CA9: variants seen among roughly 807,000 people sequenced by gnomAD.
The protein encoded by CA9 is carbonic anhydrase 9, also known as CA-IX.
CA9 carries 43 observed loss-of-function variants against 51.8 expected under a neutral mutation model. That is an observed-to-expected ratio of 0.83 (90% CI 0.65 to 1.07). The LOEUF (loss-of-function observed/expected upper bound fraction) is 1.07, where lower values mean the gene tolerates loss of function less well. Among genes scored for constraint, CA9 ranks in the 50% least tolerant of loss-of-function variants. The pLI is 0.00. For missense variants in CA9, 574 were observed against 581.4 expected (o/e 0.99, Z 0.13); for synonymous variants, 253 against 244.2 (o/e 1.04, Z -0.34).
chr9:35,677,630 C>G (rs1432636220), intron 5 of CA9, among the ~76,000 whole-genome samples, 160 bp from the exon 6 acceptor site: 4 of 151,850 alleles, frequency 2.6e-5, no homozygotes, highest in African/African-American at 9.7e-5. Context: ...AAAAAAACAA[C>G]AGCAACAACA....
chr9:35,675,877 G>T lies in CA9; in HGVS notation c.550G>T (p.Gly184Cys). 6.2e-7 allele frequency: 1 copy of T among 1,606,798 alleles called. No homozygotes were observed. The stretch of plus-strand genomic sequence containing the variant: ...GGCCCTGCGCCCCCTGGAACTCCTG[G>T]GCTTCCAGCTCCCGCCGCTCCCAGA... ...CPALRPLELL[G>C]FQLPPLPELR... Residue 184 changes from glycine to cysteine, a missense_variant, in exon 3 of 11, where the codon GGC becomes TGC. By Grantham distance (159) the Gly-to-Cys change is radical. Coordinates refer to ENST00000378357, the MANE Select transcript of CA9 (RefSeq NM_001216.3).
intron 5 of CA9, 110 bp from the exon 6 acceptor site, chr9:35,677,680 T>G (rs557219381): frequency 3.6e-6 from 3 of 822,808 alleles, no homozygotes; most frequent in Non-Finnish European, 6.2e-6. Context: ...CCCTCAGCAT[T>G]CTCAGAGCTG....
At chr9:35,677,324 C>T (rs374649805) in intron 5 of CA9, among the ~76,000 whole-genome samples, 1 of 152,180 alleles carries the variant, frequency 6.6e-6, no homozygotes, top group African/African-American at 2.4e-5. Flanking sequence ...GTCAGGACCT[C>T]ACCTGAAAAG....
At position 35,680,770 on chromosome 9, in the gene CA9, G is replaced by C; in HGVS notation, c.1255G>C (p.Val419Leu). Residue 419 changes from valine to leucine, a missense_variant, in exon 10 of 11, where the codon GTT (valine) becomes CTT (leucine). Physicochemically the swap from Val to Leu is conservative, Grantham distance 32. Coordinates refer to ENST00000378357, the MANE Select transcript of CA9 (RefSeq NM_001216.3). ...CATCGCAGGTGACATCCTAGCCCTG[G>C]TTTTTGGCCTCCTTTTTGCTGTCAC... ...CLAAGDILAL[V>L]FGLLFAVTSV... 3 of 1,614,180 alleles carry C rather than the reference G, an allele frequency of 1.9e-6. No individual in the cohort carries two copies. Among genetic ancestry groups the C allele is most frequent in the Non-Finnish European group, 2.5e-6 (3 of 1,180,014 alleles).
chr9:35,679,941 G>A lies in CA9; in HGVS notation c.1153G>A (p.Val385Met), dbSNP rs140019091. ...FRATQPLNGRVIEASFPAGVD... is the reference protein window; with the variant it reads ...FRATQPLNGRMIEASFPAGVD... ...AGCGACGCAGCCTTTGAATGGGCGA[G>A]TGATTGAGGCCTCCTTCCCTGCTGG... Residue 385 changes from valine (V) to methionine (M), a missense_variant, in exon 8 of 11, where the codon GTG becomes ATG. Physicochemically the swap from Val to Met is conservative, Grantham distance 21. Transcript: ENST00000378357. The A allele has an allele frequency of 3.0e-5, 48 of 1,614,026 alleles. No individual in the cohort carries two copies. Among genetic ancestry groups the A allele is most frequent in the South Asian group, 3.3e-5 (3 of 91,088 alleles).
chr9:35,674,599 A>G, intron 1 of CA9: 1 of 458,626 alleles, frequency 2.2e-6, no homozygotes, highest in South Asian at 4.2e-5. Flanking sequence ...GAGATGGGAG[A>G]GAAGGGGGAG....
chr9:35,679,165 A>C lies in CA9; in HGVS notation c.908-20A>C. 6.2e-7 allele frequency: 1 copy of C among 1,613,860 alleles called. No individual in the cohort carries two copies. The highest frequency in any genetic ancestry group is 1.1e-5 in the South Asian group (1 of 91,054). On this transcript the variant is annotated intron_variant, in intron 6 of 10. Coordinates refer to ENST00000378357, the MANE Select transcript of CA9 (RefSeq NM_001216.3). ...GGGGGTGCAATGTAGATGAGACCCC[A>C]ACATAGATCCTCTTCACAGGCTCAG...
chr9:35,675,658 T>TTCCCC, intron 2 of CA9, 91 bp downstream of exon 2: 3 of 1,407,088 alleles, frequency 2.1e-6, no homozygotes, highest in African/African-American at 1.4e-5. Flanking sequence ...GTCCCGGGCG[T>TTCCCC]CCCACCCGCC....
At chr9:35,680,691 G>A in intron 9 of CA9, 62 bp from the exon 10 acceptor site, 3 of 1,382,552 alleles carry the variant, frequency 2.2e-6, no homozygotes, top group Non-Finnish European at 3.1e-6. Flanking sequence ...TGAGGCAGGT[G>A]TTGAGGAACT....
At chr9:35,680,179 T>C in intron 9 of CA9, 40 bp downstream of exon 9, 1 of 1,612,812 alleles carries the variant, frequency 6.2e-7, no homozygotes, top group African/African-American at 1.3e-5. Context: ...GCCAGGAGAC[T>C]CCTCAGCACC....
Position 35,676,085 on chromosome 9 carries a change from G to C in CA9, c.626G>C (p.Gly209Ala), listed in dbSNP as rs371312462. 8 of 1,613,132 alleles carry C rather than the reference G, an allele frequency of 5.0e-6. No individual in the cohort carries two copies. In the African/African-American group the frequency reaches 6.7e-5, roughly 13 times the overall value. The change falls in exon 4 of 11, where the codon GGG becomes GCG. Residue 209 changes from glycine (G) to alanine (A), a missense_variant. Transcript: ENST00000378357. ...GCAGTGCAACTGACCCTGCCTCCTG[G>C]GCTAGAGATGGCTCTGGGTCCCGGG... ...GHSVQLTLPP[G>A]LEMALGPGRE...
intron 4 of CA9, 30 bp from the exon 5 acceptor site, chr9:35,676,267 G>A: frequency 6.2e-7 from 1 of 1,613,904 alleles, no homozygotes; most frequent in Non-Finnish European, 8.5e-7. Context: ...CCAGAGACGT[G>A]GCCCTCTCCT....
rs1280134191 is a variant in CA9 at position 35,679,781 on chromosome 9, T to C, written c.1066-73T>C. ...GGAGGGTGGAGCCCTGAGGTGCTGG[T>C]TGTGAGCTGGCCTGGGACCCTTGTT... is the stretch of plus-strand genomic sequence containing the variant. On this transcript the variant is annotated intron_variant, in intron 7 of 10. Coordinates refer to ENST00000378357, the MANE Select transcript of CA9 (RefSeq NM_001216.3). 3 of 1,466,168 alleles carry C rather than the reference T, an allele frequency of 2.0e-6. No individual in the cohort carries two copies. The African/African-American group carries it at 4.3e-5, about 21-fold the overall frequency. The allele number at this position is 1,466,168 out of a possible 1,614,324, so 90.8% of individuals were successfully genotyped here.
intron 5 of CA9, 105 bp from the exon 6 acceptor site, chr9:35,677,685 G>A (rs1488302500): frequency 9.4e-6 from 8 of 846,840 alleles, no homozygotes; most frequent in Non-Finnish European, 1.6e-5. Flanking sequence ...AGCATTCTCA[G>A]AGCTGAGGAA....
chr9:35,679,429 G>C, intron 7 of CA9, 87 bp downstream of exon 7: 2 of 1,500,982 alleles, frequency 1.3e-6, no homozygotes, highest in Non-Finnish European at 1.8e-6. Flanking sequence ...AAGAAATCAA[G>C]GCTGGGCTCT....
chr9:35,676,341 G>C lies in CA9; in HGVS notation c.792G>C (p.Glu264Asp). The C allele has an allele frequency of 1.9e-6, 3 of 1,614,088 alleles. No homozygotes were observed. Among genetic ancestry groups the C allele is most frequent in the Non-Finnish European group, 2.5e-6 (3 of 1,180,014 alleles). The change falls in exon 5 of 11, where the codon GAG becomes GAC. Residue 264 changes from glutamate to aspartate, a missense_variant. Physicochemically the swap from Glu to Asp is conservative, Grantham distance 45. Coordinates refer to ENST00000378357, the MANE Select transcript of CA9 (RefSeq NM_001216.3). The part of the protein sequence containing the change: ...HLSTAFARVD[E>D]ALGRPGGLAV... ...GCACCGCCTTTGCCAGAGTTGACGA[G>C]GCCTTGGGGCGCCCGGGAGGCCTGG...
At chr9:35,680,417 T>C (rs1824520462) in intron 9 of CA9, among the ~76,000 whole-genome samples, 1 of 152,052 alleles carries the variant, frequency 6.6e-6, no homozygotes, top group Admixed American at 6.6e-5. Context: ...GGCTGGGGTG[T>C]TGTGGCACGA....
intron 9 of CA9, 45 bp downstream of exon 9, chr9:35,680,184 A>C: frequency 6.2e-7 from 1 of 1,612,340 alleles, no homozygotes; most frequent in African/African-American, 1.3e-5. Context: ...GAGACTCCTC[A>C]GCACCATTCA....
chr9:35,676,270 C>A, intron 4 of CA9, 27 bp from the exon 5 acceptor site: 1 of 1,613,884 alleles, frequency 6.2e-7, no homozygotes, highest in Non-Finnish European at 8.5e-7. Context: ...GAGACGTGGC[C>A]CTCTCCTACC....
Sources: gnomAD v4.1 joint callset for allele counts (sites outside exome capture counted in the v4.1 genomes callset) on GRCh38, gnomAD v4.1.1 for gene constraint, MANE v1.5 for transcripts, NCBI Gene and HGNC (gene_info 2026-07-23, HGNC 2026-07-21) for gene names.